ATRNL1: variants seen among roughly 807,000 people sequenced by gnomAD.
The protein encoded by ATRNL1 is attractin-like protein 1.
Under a neutral mutation model 182.7 loss-of-function variants are expected in ATRNL1, and 95 were observed. The ratio of observed to expected loss-of-function variants is 0.52; its 90% CI spans 0.44 to 0.62. The LOEUF (loss-of-function observed/expected upper bound fraction) is 0.62. Among genes scored for constraint, ATRNL1 ranks in the 20% least tolerant of loss-of-function variants. ATRNL1 has a pLI of 0.00. For missense variants in ATRNL1, 1,471 were observed against 1,679.5 expected (o/e 0.88, Z 2.17); for synonymous variants, 576 against 568.3 (o/e 1.01, Z -0.19).
At position 115,758,010 on chromosome 10, in the gene ATRNL1, A is replaced by G. The variant is rs188406247; in HGVS notation, c.3903+30655A>G. On this transcript the variant is annotated intron_variant, in intron 27 of 28. Coordinates refer to ENST00000355044, the MANE Select transcript of ATRNL1 (RefSeq NM_207303.4). Reference sequence around the variant, plus strand: ...TCGTGCTGTGATTTTCAGCTCCATCAGGTCATTTATGTTCTTCTCTAAGCT... The same window carrying G: ...TCGTGCTGTGATTTTCAGCTCCATCGGGTCATTTATGTTCTTCTCTAAGCT... Among the ~76,000 whole-genome samples, 690 of 151,910 alleles carry G rather than the reference A, an allele frequency of 4.5e-3. 3 individuals are homozygous for G. Among genetic ancestry groups the G allele is most frequent in the African/African-American group, 0.015 (634 of 41,410 alleles).
chr10:115,340,028 T>C (rs1855665317), intron 19 of ATRNL1, among the ~76,000 whole-genome samples: 1 of 152,218 alleles, frequency 6.6e-6, no homozygotes, highest in Admixed American at 6.5e-5. Context: ...TGTTGAACCA[T>C]TCTTGCATTC....
intron 26 of ATRNL1, among the ~76,000 whole-genome samples, chr10:115,556,835 G>A (rs1447969659): frequency 6.7e-6 from 1 of 149,926 alleles, no homozygotes. Context: ...CAATCTAGTA[G>A]GCCCTTGAGA....
At chr10:115,337,996 G>T (rs1304380756) in intron 19 of ATRNL1, among the ~76,000 whole-genome samples, 1 of 152,076 alleles carries the variant, frequency 6.6e-6, no homozygotes, top group Non-Finnish European at 1.5e-5. Flanking sequence ...GCTCCTATGA[G>T]AATCTGATGC....
Position 115,394,753 on chromosome 10 carries a change from G to A in ATRNL1, c.3269+1G>A. On this transcript the variant is annotated splice_donor_variant, in intron 20 of 28. Coordinates refer to ENST00000355044, the MANE Select transcript of ATRNL1 (RefSeq NM_207303.4). LOFTEE classifies it high-confidence loss of function. ...GAATAAAAGGTGACCAATGCCAATT[G>A]TAAGTAAGAATGACTTTTTAGAACT... is the stretch of plus-strand genomic sequence containing the variant. The A allele has an allele frequency of 6.3e-7, 1 of 1,584,934 alleles. No individual in the cohort carries two copies. Among genetic ancestry groups the A allele is most frequent in the Non-Finnish European group, 8.6e-7 (1 of 1,165,070 alleles).
intron 28 of ATRNL1, among the ~76,000 whole-genome samples, chr10:115,910,070 C>T (rs1312008335): frequency 6.6e-6 from 1 of 152,040 alleles, no homozygotes; most frequent in Admixed American, 6.6e-5. Flanking sequence ...CGGAAGAGTT[C>T]CACTTTTTAT....
At chr10:115,313,555 C>T (rs1324438107) in intron 17 of ATRNL1, among the ~76,000 whole-genome samples, 9 of 152,016 alleles carry the variant, frequency 5.9e-5, no homozygotes, top group South Asian at 2.1e-4. Context: ...GTGGCGTGTA[C>T]TTATTTATTT....
At chr10:115,559,172 G>A (rs1283798270) in intron 26 of ATRNL1, among the ~76,000 whole-genome samples, 2 of 152,084 alleles carry the variant, frequency 1.3e-5, no homozygotes, top group African/African-American at 4.8e-5. Context: ...GAGAGTTATG[G>A]GCCACTGTCC....
At chr10:115,257,337 C>G (rs1303723076) in intron 10 of ATRNL1, among the ~76,000 whole-genome samples, 3 of 152,102 alleles carry the variant, frequency 2.0e-5, no homozygotes, top group Admixed American at 2.0e-4. Context: ...ATATATTTAT[C>G]ATAGTTAGCT....
At chr10:115,367,306 C>A (rs1248470861) in intron 19 of ATRNL1, among the ~76,000 whole-genome samples, 1 of 111,002 alleles carries the variant, frequency 9.0e-6, no homozygotes, top group Non-Finnish European at 2.0e-5. Flanking sequence ...TCCAGTTGAT[C>A]GCATCAGCTC....
At chr10:115,855,735 C>T (rs1260192294) in intron 28 of ATRNL1, among the ~76,000 whole-genome samples, 1 of 152,154 alleles carries the variant, frequency 6.6e-6, no homozygotes, top group Non-Finnish European at 1.5e-5. Flanking sequence ...CTACATATCT[C>T]AGGGACCGAA....
At chr10:115,367,381 A>G (rs1857105027) in intron 19 of ATRNL1, among the ~76,000 whole-genome samples, 1 of 137,486 alleles carries the variant, frequency 7.3e-6, no homozygotes, top group African/African-American at 2.6e-5. Flanking sequence ...AGCTCCTTTA[A>G]GCACTTCTCC....
At chr10:115,397,056 C>A (rs1219104792) in intron 20 of ATRNL1, among the ~76,000 whole-genome samples, 1 of 151,496 alleles carries the variant, frequency 6.6e-6, no homozygotes, top group Non-Finnish European at 1.5e-5. Flanking sequence ...GTTTATTTAG[C>A]TTTTGAGTAT....
intron 10 of ATRNL1, among the ~76,000 whole-genome samples, 192 bp from the exon 11 acceptor site, chr10:115,265,001 A>T (rs899975694): frequency 2.6e-5 from 4 of 151,552 alleles, no homozygotes; most frequent in African/African-American, 9.7e-5. Flanking sequence ...GGCAAGAGTT[A>T]TTTTTATTTA....
chr10:115,144,524 A>T (rs1217536389), intron 5 of ATRNL1, among the ~76,000 whole-genome samples: 2 of 152,022 alleles, frequency 1.3e-5, no homozygotes, highest in African/African-American at 4.8e-5. Flanking sequence ...AAAACTCCTG[A>T]CCTCGTGGTC....
At chr10:115,240,244 T>C (rs1013621147) in intron 9 of ATRNL1, among the ~76,000 whole-genome samples, 5 of 151,714 alleles carry the variant, frequency 3.3e-5, no homozygotes, top group Non-Finnish European at 5.9e-5. Flanking sequence ...GTGAGCTTCA[T>C]ACTTTTTTCC....
At chr10:115,502,588 A>G (rs1490220990) in intron 24 of ATRNL1, among the ~76,000 whole-genome samples, 1 of 152,138 alleles carries the variant, frequency 6.6e-6, no homozygotes, top group Non-Finnish European at 1.5e-5. Flanking sequence ...AATCCTGACC[A>G]TAGGATATAA....
intron 27 of ATRNL1, among the ~76,000 whole-genome samples, chr10:115,830,531 G>A (rs532285109): frequency 1.3e-5 from 2 of 152,106 alleles, no homozygotes; most frequent in Non-Finnish European, 2.9e-5. Flanking sequence ...GCTGGGATGA[G>A]TCGTGATGAT....
chr10:115,358,907 G>C (rs1015147159), intron 19 of ATRNL1, among the ~76,000 whole-genome samples: 1 of 151,572 alleles, frequency 6.6e-6, no homozygotes, highest in Non-Finnish European at 1.5e-5. Flanking sequence ...CTTCTAAACA[G>C]ATCTTTTAAT....
At chr10:115,826,201 C>T (rs1038439678) in intron 27 of ATRNL1, among the ~76,000 whole-genome samples, 10 of 68,752 alleles carry the variant, frequency 1.5e-4, no homozygotes, top group Admixed American at 1.1e-3. Context: ...TATACTATCC[C>T]ATTTTTTTTT....
Sources: gnomAD v4.1 joint callset for allele counts (sites outside exome capture counted in the v4.1 genomes callset) on GRCh38, gnomAD v4.1.1 for gene constraint, MANE v1.5 for transcripts, NCBI Gene and HGNC (gene_info 2026-07-23, HGNC 2026-07-21) for gene names.